SLC25A26: variants seen among roughly 807,000 people sequenced by gnomAD.
SLC25A26 encodes mitochondrial S-adenosylmethionine carrier protein.
A neutral mutation model predicts 37.8 loss-of-function variants in SLC25A26; 36 were observed. That is an observed-to-expected ratio of 0.95 (90% CI 0.73 to 1.26). The LOEUF (loss-of-function observed/expected upper bound fraction) is 1.26. SLC25A26 is among the 50% of genes most tolerant of loss of function. SLC25A26 has a pLI of 0.00. For missense variants in SLC25A26, 390 were observed against 331.1 expected (o/e 1.18, Z -1.38); for synonymous variants, 129 against 122.5 (o/e 1.05, Z -0.35).
rs190077899 is a variant in SLC25A26, at chr3:66,170,543, A to G, written c.-354+36559A>G. Among the ~76,000 whole-genome samples the G allele has an allele frequency of 1.8e-3, 273 of 152,280 alleles. 3 individuals are homozygous for G. The highest frequency in any genetic ancestry group is 6.1e-3 in the African/African-American group (255 of 41,554). On this transcript the variant is annotated intron_variant, in intron 1 of 10. Coordinates refer to the SLC25A26 transcript ENST00000676754. Reference sequence around the variant, plus strand: ...TAGCTACTTTATATATACTAACTCAATTTTAATACAATCCTCCTAAGAATG... The same window carrying G: ...TAGCTACTTTATATATACTAACTCAGTTTTAATACAATCCTCCTAAGAATG...
At chr3:66,244,789 C>T (rs1680399) in intron 3 of SLC25A26, among the ~76,000 whole-genome samples, 3 of 151,408 alleles carry the variant, frequency 2.0e-5, no homozygotes, top group Non-Finnish European at 2.9e-5. Context: ...TGGCTAACAC[C>T]GTGAAACCCC....
chr3:66,335,705 C>T (rs534950269), intron 5 of SLC25A26, among the ~76,000 whole-genome samples: 5 of 152,296 alleles, frequency 3.3e-5, no homozygotes, highest in Admixed American at 6.5e-5. Context: ...AAGCCAGACA[C>T]CTCCCCTGCC....
At chr3:66,157,975 C>G (rs956674101) in intron 1 of SLC25A26, among the ~76,000 whole-genome samples, 2 of 152,200 alleles carry the variant, frequency 1.3e-5, no homozygotes, top group Non-Finnish European at 2.9e-5. Flanking sequence ...ACTCTTCCAT[C>G]AAACCATTAT....
intron 2 of SLC25A26, among the ~76,000 whole-genome samples, chr3:66,240,682 A>T (rs375789208): frequency 6.6e-6 from 1 of 151,996 alleles, no homozygotes; most frequent in Non-Finnish European, 1.5e-5. Flanking sequence ...ATGTTAGTAA[A>T]TGATAAAATA....
At chr3:66,218,089 G>A (rs910338083), upstream of SLC25A26, among the ~76,000 whole-genome samples, 4 of 141,374 alleles carry the variant, frequency 2.8e-5, no homozygotes, top group Non-Finnish European at 3.1e-5. Flanking sequence ...CACGTAAGTG[G>A]AATCACAATA....
chr3:66,279,592 C>G (rs1044532849), intron 5 of SLC25A26, among the ~76,000 whole-genome samples: 1 of 152,062 alleles, frequency 6.6e-6, no homozygotes, highest in Non-Finnish European at 1.5e-5. Flanking sequence ...TAAAGACAGC[C>G]GATGATAACC....
chr3:66,285,823 T>C (rs1485392792), intron 5 of SLC25A26, among the ~76,000 whole-genome samples: 1 of 152,098 alleles, frequency 6.6e-6, no homozygotes, highest in Non-Finnish European at 1.5e-5. Context: ...ACGAACCACA[T>C]TGCCCTTCTG....
At chr3:66,184,768 T>C (rs2070793955) in intron 1 of SLC25A26, among the ~76,000 whole-genome samples, 2 of 152,128 alleles carry the variant, frequency 1.3e-5, no homozygotes, top group African/African-American at 4.8e-5. Flanking sequence ...ATGCTGACAT[T>C]GACTCTAACC....
intron 1 of SLC25A26, among the ~76,000 whole-genome samples, chr3:66,189,629 A>T (rs1391297974): frequency 1.3e-5 from 2 of 152,126 alleles, no homozygotes; most frequent in Non-Finnish European, 1.5e-5. Context: ...ACTAATTCTC[A>T]ACTTGTTTAC....
chr3:66,198,723 A>G (rs1429205927), intron 1 of SLC25A26, among the ~76,000 whole-genome samples: 1 of 150,852 alleles, frequency 6.6e-6, no homozygotes, highest in Non-Finnish European at 1.5e-5. Context: ...CTTAACCTTA[A>G]CCTGTCCTTT....
chr3:66,296,879 G>A (rs1157515224), intron 5 of SLC25A26, among the ~76,000 whole-genome samples: 1 of 152,172 alleles, frequency 6.6e-6, no homozygotes, highest in Non-Finnish European at 1.5e-5. Context: ...AGAAGTCCTC[G>A]ATTCTGTTTT....
intron 7 of SLC25A26, among the ~76,000 whole-genome samples, chr3:66,367,699 G>GAC (rs1171982961): frequency 5.8e-5 from 8 of 138,652 alleles, no homozygotes; most frequent in African/African-American, 2.3e-4. Context: ...CAGACAGACA[G>GAC]ACAGACACAG....
chr3:66,299,607 T>A (rs190978424), intron 5 of SLC25A26, among the ~76,000 whole-genome samples: 1 of 152,318 alleles, frequency 6.6e-6, no homozygotes, highest in Admixed American at 6.5e-5. Flanking sequence ...CTTCTTTCAC[T>A]TTTCTCCTTT....
intron 5 of SLC25A26, among the ~76,000 whole-genome samples, chr3:66,326,037 T>C (rs1037846098): frequency 6.6e-6 from 1 of 152,108 alleles, no homozygotes; most frequent in African/African-American, 2.4e-5. Flanking sequence ...ATTCACAAGA[T>C]AGGATTGGCT....
chr3:66,189,370 G>T (rs1449999773), intron 1 of SLC25A26, among the ~76,000 whole-genome samples: 4 of 151,650 alleles, frequency 2.6e-5, no homozygotes, highest in African/African-American at 4.9e-5. Flanking sequence ...TCCTAATACT[G>T]ATTGTGATAC....
intron 1 of SLC25A26, among the ~76,000 whole-genome samples, chr3:66,157,843 C>T (rs1389031694): frequency 1.3e-5 from 2 of 152,296 alleles, no homozygotes; most frequent in East Asian, 3.9e-4. Context: ...GGCTGGAGTG[C>T]AGTGGTGCAA....
At chr3:66,284,943 T>C (rs1231571478) in intron 5 of SLC25A26, among the ~76,000 whole-genome samples, 3 of 152,162 alleles carry the variant, frequency 2.0e-5, no homozygotes, top group Admixed American at 2.0e-4. Flanking sequence ...AAAAATCAGA[T>C]TAAAGCTAAT....
At chr3:66,221,312 G>A (rs2106868756) in intron 1 of SLC25A26, 185 bp downstream of exon 1, 1 of 202,838 alleles carries the variant, frequency 4.9e-6, no homozygotes, top group African/African-American at 2.4e-5. Context: ...TTAAGGCTAT[G>A]TCTGTACTGC....
At position 66,320,325 on chromosome 3, in the gene SLC25A26, G is replaced by A. The variant is rs75663570; in HGVS notation, c.454-26039G>A. On this transcript the variant is annotated intron_variant, in intron 5 of 9. Coordinates refer to ENST00000354883, the MANE Select transcript of SLC25A26 (RefSeq NM_001379210.1). Reference sequence around the variant, plus strand: ...ACTTTATGTCTCTGTGATTTTGCCTGTTCTAGTTATTTCATATCAGTGGAC... The same window carrying A: ...ACTTTATGTCTCTGTGATTTTGCCTATTCTAGTTATTTCATATCAGTGGAC... 1.4e-4 allele frequency among the ~76,000 whole-genome samples: 22 copies of A among 152,070 alleles called. 2 individuals carry two copies. In the South Asian group the frequency reaches 4.4e-3, roughly 30 times the overall value.
Sources: gnomAD v4.1 joint callset for allele counts (sites outside exome capture counted in the v4.1 genomes callset) on GRCh38, gnomAD v4.1.1 for gene constraint, MANE v1.5 for transcripts, NCBI Gene and HGNC (gene_info 2026-07-23, HGNC 2026-07-21) for gene names.